Variants in KDR observed in about 807,000 individuals in gnomAD.
KDR encodes vascular endothelial growth factor receptor 2.
In KDR, 43 loss-of-function variants were observed where a neutral mutation model predicts 160.9. The ratio of observed to expected loss-of-function variants is 0.27; its 90% CI spans 0.21 to 0.34. KDR has a LOEUF of 0.34. KDR is among the 10% of genes least tolerant of loss of function. KDR has a pLI of 1.00. For synonymous variants in KDR, 617 were observed against 600.1 expected (o/e 1.03, Z -0.41); for missense variants, 1,469 against 1,666.4 (o/e 0.88, Z 2.06).
chr4:55,113,257 T>C (rs1300898989), intron 7 of KDR, 47 bp downstream of exon 7: 1 of 1,575,388 alleles, frequency 6.3e-7, no homozygotes, highest in Non-Finnish European at 8.7e-7. Context: ...TTATTTAAAT[T>C]ATCTCACTTG....
At chr4:55,118,037 C>G (rs1256786910) in intron 3 of KDR, among the ~76,000 whole-genome samples, 1 of 152,120 alleles carries the variant, frequency 6.6e-6, no homozygotes, top group Non-Finnish European at 1.5e-5. Flanking sequence ...GATCTCAGAC[C>G]AAACAAGCAA....
At chr4:55,115,077 C>A (rs2110031864) in intron 4 of KDR, 35 bp from the exon 5 acceptor site, 1 of 1,562,240 alleles carries the variant, frequency 6.4e-7, no homozygotes, top group South Asian at 1.1e-5. Flanking sequence ...ATATTTAATC[C>A]AGTACCAAAA....
At position 55,098,770 on chromosome 4, in the gene KDR, A is replaced by G. The variant is rs1027071512; in HGVS notation, c.2300T>C (p.Ile767Thr). 1.9e-6 allele frequency: 3 copies of G among 1,613,212 alleles called. No individual in the cohort carries two copies. The highest frequency in any genetic ancestry group is 1.3e-5 in the African/African-American group (1 of 74,864). The change falls in exon 16 of 30, where the codon ATT (isoleucine) becomes ACT (threonine). Residue 767 changes from isoleucine to threonine, a missense_variant. Physicochemically the swap from Ile to Thr is moderately conservative, Grantham distance 89. Transcript: ENST00000263923. Reference protein sequence around the residue: ...AQEKTNLEIIILVGTAVIAMF... With the variant: ...AQEKTNLEIITLVGTAVIAMF... ...GGCAATCACCGCCGTGCCTACTAGA[A>G]TAATGATTTCCAAGTTCGTCTTTTC...
At position 55,094,797 on chromosome 4, in the gene KDR, A is replaced by G; in HGVS notation, c.2971+5T>C. The G allele has an allele frequency of 6.2e-7, 1 of 1,612,754 alleles. No individual in the cohort carries two copies. Among genetic ancestry groups the G allele is most frequent in the Non-Finnish European group, 8.5e-7 (1 of 1,178,750 alleles). ...CCATAGCATGCAGGAAGCACTAGCC[A>G]GTACCTTCCTCTTCTTCTACATCAC... On this transcript the variant is annotated splice_donor_5th_base_variant and intron_variant, in intron 21 of 29. Coordinates refer to ENST00000263923, the MANE Select transcript of KDR (RefSeq NM_002253.4).
chr4:55,104,212 C>T (rs1720380363), intron 13 of KDR, among the ~76,000 whole-genome samples: 1 of 152,144 alleles, frequency 6.6e-6, no homozygotes, highest in Non-Finnish European at 1.5e-5. Flanking sequence ...AGAACAATTC[C>T]TGTTCTCATG....
intron 7 of KDR, 89 bp downstream of exon 7, chr4:55,113,215 G>T: frequency 7.3e-7 from 1 of 1,375,486 alleles, no homozygotes; most frequent in Non-Finnish European, 1.0e-6. Flanking sequence ...TCTTCTGAAT[G>T]AACAAAATAG....
At chr4:55,082,165 A>C (rs890786127) in intron 28 of KDR, 124 bp from the exon 29 acceptor site, 7 of 785,476 alleles carry the variant, frequency 8.9e-6, no homozygotes, top group Non-Finnish European at 1.6e-5. Flanking sequence ...AAGAACATAA[A>C]GGTATCATAG....
At chr4:55,083,673 C>T (rs1256973130) in intron 27 of KDR, among the ~76,000 whole-genome samples, 3 of 152,058 alleles carry the variant, frequency 2.0e-5, no homozygotes, top group Non-Finnish European at 1.5e-5. Context: ...ACAGAAAATA[C>T]ATTCTTCATT....
chr4:55,108,040 G>T lies in KDR; in HGVS notation c.1256-147C>A, dbSNP rs1037139550. On this transcript the variant is annotated intron_variant, in intron 9 of 29. Coordinates refer to ENST00000263923, the MANE Select transcript of KDR (RefSeq NM_002253.4). ...GAAGAACACCTAGATGTGGAAACAA[G>T]AGACCTGAGTTCTAGTGATACTCAT... 3.6e-6 allele frequency: 3 copies of T among 823,854 alleles called. No individual in the cohort carries two copies. In the African/African-American group the frequency reaches 5.1e-5, roughly 14 times the overall value. The allele number at this position is 823,854 out of a possible 1,614,324, so 51.0% of individuals were successfully genotyped here. A position where few individuals can be genotyped will look rare whatever the true frequency, so the allele number is the denominator to read the frequency against.
At chr4:55,081,922 T>G in intron 29 of KDR, 34 bp downstream of exon 29, 27 of 1,457,364 alleles carry the variant, frequency 1.9e-5, no homozygotes, top group Non-Finnish European at 2.3e-5. Flanking sequence ...AAATTCCTAT[T>G]GAAATTTGTC....
At chr4:55,116,195 T>A (rs1720732481) in intron 3 of KDR, among the ~76,000 whole-genome samples, 1 of 152,136 alleles carries the variant, frequency 6.6e-6, no homozygotes. Context: ...GGCAGGTGGA[T>A]CACTTGAGGT....
chr4:55,116,621 T>A (rs1720742024), intron 3 of KDR, among the ~76,000 whole-genome samples: 1 of 152,014 alleles, frequency 6.6e-6, no homozygotes, highest in Non-Finnish European at 1.5e-5. Flanking sequence ...TAATAGTCAG[T>A]CAAAGTGAAG....
intron 9 of KDR, among the ~76,000 whole-genome samples, chr4:55,109,168 CA>C (rs542905725): frequency 3.3e-5 from 5 of 152,062 alleles, no homozygotes; most frequent in East Asian, 3.9e-4. Context: ...CTGCAACCTC[CA>C]CCTCCTGGGT....
intron 26 of KDR, among the ~76,000 whole-genome samples, chr4:55,088,583 A>AT (rs1719927900): frequency 3.9e-5 from 6 of 152,154 alleles, no homozygotes; most frequent in Admixed American, 3.9e-4. Context: ...GATCAACCAG[A>AT]TTTTTTCTTT....
At chr4:55,091,409 TTAAAGCA>T (rs1263842896) in intron 22 of KDR, among the ~76,000 whole-genome samples, 38 of 152,290 alleles carry the variant, frequency 2.5e-4, no homozygotes, top group African/African-American at 8.4e-4. Flanking sequence ...GTAAGGAAAG[TTAAAGCA>T]TTCCCACATT....
chr4:55,102,374 C>A lies in KDR; in HGVS notation c.2122G>T (p.Val708Leu), dbSNP rs746815762. 1 of 1,613,674 alleles carries A rather than the reference C, an allele frequency of 6.2e-7. No homozygotes were observed. Among genetic ancestry groups the A allele is most frequent in the Admixed American group, 1.7e-5 (1 of 59,984 alleles). ...IMWFKDNETLVEDSGIVLKDG... is the reference protein window; with the variant it reads ...IMWFKDNETLLEDSGIVLKDG... Reference sequence around the variant, plus strand: ...AAATTCTATTTACCTGAGTCTTCTACAAGGGTCTCATTATCTTTAAACCAC... The same window carrying A: ...AAATTCTATTTACCTGAGTCTTCTAAAAGGGTCTCATTATCTTTAAACCAC... Residue 708 changes from valine to leucine, a missense_variant, in exon 14 of 30, where the codon GTA (valine) becomes TTA (leucine). Around this residue, in one of 7 missense-constraint regions of KDR, gnomAD observed 39 missense variants for 72.1 expected, o/e 0.54. Coordinates refer to ENST00000263923, the MANE Select transcript of KDR (RefSeq NM_002253.4).
chr4:55,106,584 T>C lies in KDR; in HGVS notation c.1536+103A>G, dbSNP rs565599873. On this transcript the variant is annotated intron_variant, in intron 11 of 29. Coordinates refer to ENST00000263923, the MANE Select transcript of KDR (RefSeq NM_002253.4). The stretch of plus-strand genomic sequence containing the variant: ...TGACTTAATACGCTCTATTTAATCA[T>C]CCAGACTATTTGATTATTAATCTCC... The C allele has an allele frequency of 5.5e-6, 5 of 907,888 alleles. No individual in the cohort carries two copies. The African/African-American group carries it at 6.5e-5, about 12-fold the overall frequency. The allele number at this position is 907,888 out of a possible 1,614,324, so 56.2% of individuals were successfully genotyped here.
At position 55,115,375 on chromosome 4, in the gene KDR, T is replaced by G; in HGVS notation, c.395A>C (p.Gln132Pro). 6.5e-7 allele frequency: 1 copy of G among 1,548,218 alleles called. No individual in the cohort carries two copies. Among genetic ancestry groups the G allele is most frequent in the Non-Finnish European group, 8.9e-7 (1 of 1,120,026 alleles). ...CTCAGTAATGTACACGACTCCATGT[T>G]GGTCACTAACAGAAGCAATAAATGG... is the stretch of plus-strand genomic sequence containing the variant. ...RSPFIASVSD[Q>P]HGVVYITENK... The change falls in exon 4 of 30, where the codon CAA (glutamine) becomes CCA (proline). Residue 132 changes from glutamine to proline, a missense_variant. Gln to Pro is a moderately conservative substitution (Grantham distance 76). This residue lies in a region of KDR where 792 missense variants were observed against 840.9 expected (regional missense o/e 0.94). Transcript: ENST00000263923.
chr4:55,125,381 G>A lies in KDR; in HGVS notation c.-88C>T, dbSNP rs1157526339. 4 of 1,474,070 alleles carry A rather than the reference G, an allele frequency of 2.7e-6. No homozygotes were observed. The highest frequency in any genetic ancestry group is 3.7e-6 in the Non-Finnish European group (4 of 1,085,424). 91.3% of individuals were successfully genotyped at this position (1,474,070 alleles called of 1,614,324 possible). On this transcript the variant is annotated 5_prime_UTR_variant, in exon 1 of 30. Transcript: ENST00000263923. Reference sequence around the variant, plus strand: ...GTCTAGAGAAGGAGGCGCGGAGGTGGAACTCGCGGCACCCCGCAGCGCAGG... The same window carrying A: ...GTCTAGAGAAGGAGGCGCGGAGGTGAAACTCGCGGCACCCCGCAGCGCAGG...
Sources: allele counts gnomAD v4.1 joint callset (sites outside exome capture counted in the v4.1 genomes callset), GRCh38; gene constraint gnomAD v4.1.1; regional missense constraint gnomAD v4.1.1; transcripts MANE v1.5; gene names NCBI Gene and HGNC (gene_info 2026-07-23, HGNC 2026-07-21).